The following MEST variants were observed in gnomAD, a reference collection of about 807,000 sequenced individuals.
MEST encodes mesoderm specific transcript, also known as mesoderm-specific transcript homolog protein.
A neutral mutation model predicts 50.9 loss-of-function variants in MEST; 18 were observed. The ratio of observed to expected loss-of-function variants is 0.35; its 90% CI spans 0.24 to 0.52. The LOEUF (loss-of-function observed/expected upper bound fraction) is 0.52, where lower values mean the gene tolerates loss of function less well. Ranked by LOEUF, MEST falls within the 20% of genes least tolerant of loss-of-function variation. The pLI is 0.94. For missense variants in MEST, 282 were observed against 425.3 expected, an observed-to-expected ratio of 0.66 and a Z score of 2.96; for synonymous variants, 130 against 154.1, an observed-to-expected ratio of 0.84 and a Z score of 1.16.
At chr7:130,493,151 G>A (rs1182682754) in intron 1 of MEST, 1 of 152,190 alleles carries the variant, frequency 6.6e-6, no homozygotes, top group African/African-American at 2.4e-5. Flanking sequence ...TCAGATTTCA[G>A]TAACAAGCGC....
At chr7:130,494,138 T>C (rs555849528) in intron 1 of MEST, among the ~76,000 whole-genome samples, 19 of 152,320 alleles carry the variant, frequency 1.2e-4, no homozygotes, top group Admixed American at 1.0e-3. Context: ...TTTTAGATTT[T>C]AGCAAAAAGT....
chr7:130,492,287 C>G lies in MEST; in HGVS notation c.-27C>G. On this transcript the variant is annotated 5_prime_UTR_variant, in exon 1 of 12. Transcript: ENST00000223215. The surrounding 1 kb of genome is among the most constrained non-coding windows in gnomAD (Gnocchi z 7.6). ...CGGCGCCCGGTGCTCTGCAACGCTG[C>G]GGCGGGCGGCATGGGATAACGCGGC... 1 of 1,346,498 alleles carries G rather than the reference C, an allele frequency of 7.4e-7. No individual in the cohort carries two copies. 83.4% of individuals were successfully genotyped at this position (1,346,498 alleles called of 1,614,324 possible).
In MEST at chr7:130,500,407, C is replaced by T. The variant is rs1386768616; in HGVS notation, c.577-55C>T. 9.4e-6 allele frequency: 14 copies of T among 1,490,392 alleles called. No homozygotes were observed. The highest frequency in any genetic ancestry group is 4.2e-5 in the African/African-American group (3 of 72,030). The allele number at this position is 1,490,392 out of a possible 1,614,324, so 92.3% of individuals were successfully genotyped here. On this transcript the variant is annotated intron_variant, in intron 7 of 11. Coordinates refer to ENST00000223215, the MANE Select transcript of MEST (RefSeq NM_002402.4). The surrounding 1 kb of genome is among the most constrained non-coding windows in gnomAD (Gnocchi z 5.0). ...GTTCCTAGTATAAAACCTTTTGCCC[C>T]GGTGAGGATCTTCCTCTGGGTTCTT...
upstream of MEST, chr7:130,489,419 G>C (rs963244710): frequency 6.6e-6 from 1 of 152,216 alleles, no homozygotes; most frequent in African/African-American, 2.4e-5. Flanking sequence ...GTTTTCTCAG[G>C]GCTCCAAGTG....
In MEST at chr7:130,504,003, C is replaced by A; in HGVS notation, c.890+7C>A. 2 of 1,609,066 alleles carry A rather than the reference C, an allele frequency of 1.2e-6. No homozygotes were observed. Among genetic ancestry groups the A allele is most frequent in the Non-Finnish European group, 1.7e-6 (2 of 1,175,638 alleles). ...AGTTTTTGGAGCTGTACAGGTGAGT[C>A]TCCCCGAGAGAAGTCTATGTTTTGT... On this transcript the variant is annotated splice_region_variant and intron_variant, in intron 11 of 11. Coordinates refer to ENST00000223215, the MANE Select transcript of MEST (RefSeq NM_002402.4).
chr7:130,487,242 T>A (rs1798652999), upstream of MEST: 1 of 151,980 alleles, frequency 6.6e-6, no homozygotes. Context: ...ACAAATGAGA[T>A]GATATATGTG....
chr7:130,505,017 C>T lies in MEST; in HGVS notation c.969C>T (p.Gly323=). 1 of 1,613,830 alleles carries T rather than the reference C, an allele frequency of 6.2e-7. No homozygotes were observed. The highest frequency in any genetic ancestry group is 8.5e-7 in the Non-Finnish European group (1 of 1,179,758). The change falls in exon 12 of 12, where the codon GGC becomes GGT. Residue 323 remains glycine (G), a synonymous_variant. Coordinates refer to ENST00000223215, the MANE Select transcript of MEST (RefSeq NM_002402.4). ...ATCCACAGCTAGAGGATCCCATGGG[C>T]TTCTTGAATGCATATATGGGCTTCA... ...SHYPQLEDPM[G]FLNAYMGFIN... is the part of the protein sequence containing the mutation.
intron 2 of MEST, 191 bp downstream of exon 2, chr7:130,495,713 C>A: frequency 1.9e-6 from 1 of 515,012 alleles, no homozygotes; most frequent in Non-Finnish European, 3.3e-6. Context: ...GACTGAGATT[C>A]CAACCTGCAG....
In MEST at chr7:130,497,565, A is replaced by AT. The variant is rs1267048865; in HGVS notation, c.261+339dup. 1.0e-4 allele frequency: 25 copies of AT among 240,504 alleles called. No homozygotes were observed. Among genetic ancestry groups the AT allele is most frequent in the Middle Eastern group, 1.4e-3 (1 of 690 alleles). 14.9% of individuals were successfully genotyped at this position (240,504 alleles called of 1,614,324 possible). A position where few individuals can be genotyped will look rare whatever the true frequency, so the allele number is the denominator to read the frequency against. On this transcript the variant is annotated intron_variant, in intron 3 of 11. Transcript: ENST00000223215. This position sits in a 1 kb window ranked among gnomAD's most constrained non-coding sequence, Gnocchi z 4.0. ...GAGCGAGAGTCTGTCTCAAAAAAAA[A>AT]TTTTTTTTTAATAAAAATTTAAAAA...
In MEST at chr7:130,495,368, G is replaced by T; in HGVS notation, c.27G>T (p.Arg9Ser). MVRRDRLR[R>S]MREWWVQVGL... is the part of the protein sequence containing the mutation. ...CAGTGGGTCTCTGCTTTTCCTACAG[G>T]ATGAGGGAGTGGTGGGTCCAGGTGG... The change falls in exon 2 of 12, where the codon AGG (arginine) becomes AGT (serine). Residue 9 changes from arginine to serine, a missense_variant and splice_region_variant. Physicochemically the swap from Arg to Ser is moderately radical, Grantham distance 110. Transcript: ENST00000223215. The T allele has an allele frequency of 6.2e-7, 1 of 1,607,758 alleles. No individual in the cohort carries two copies. The highest frequency in any genetic ancestry group is 1.1e-5 in the South Asian group (1 of 89,954).
chr7:130,503,025 GA>G (rs1341063608), intron 10 of MEST, among the ~76,000 whole-genome samples: 1 of 152,150 alleles, frequency 6.6e-6, no homozygotes, highest in Non-Finnish European at 1.5e-5. Flanking sequence ...TGTGTAGAGT[GA>G]AGTATATAAA....
chr7:130,495,270 T>C, intron 1 of MEST, 98 bp from the exon 2 acceptor site: 1 of 1,268,694 alleles, frequency 7.9e-7, no homozygotes, highest in South Asian at 1.6e-5. Flanking sequence ...CATTGCATGG[T>C]AACAGCAATC....
At chr7:130,503,686 C>G (rs1040135867) in intron 10 of MEST, among the ~76,000 whole-genome samples, 1 of 152,062 alleles carries the variant, frequency 6.6e-6, no homozygotes, top group Admixed American at 6.6e-5. Context: ...GTGTTGCACA[C>G]CTGTATGTAG....
chr7:130,496,068 C>T (rs376041419), intron 2 of MEST: 29 of 469,238 alleles, frequency 6.2e-5, no homozygotes, highest in Non-Finnish European at 1.2e-4. Flanking sequence ...CCATTAACCT[C>T]ATTTTATAGG....
chr7:130,492,345 T>C lies in MEST; in HGVS notation c.26+6T>C. On this transcript the variant is annotated splice_donor_region_variant and intron_variant, in intron 1 of 11. Coordinates refer to ENST00000223215, the MANE Select transcript of MEST (RefSeq NM_002402.4). This position sits in a 1 kb window ranked among gnomAD's most constrained non-coding sequence, Gnocchi z 7.6. The stretch of plus-strand genomic sequence containing the variant: ...CGCCGAGATCGCCTCCGCAGGTGAG[T>C]GTGCGGTGGGAACGAGGGGGTGTGG... 1 of 1,319,306 alleles carries C rather than the reference T, an allele frequency of 7.6e-7. No individual in the cohort carries two copies. The allele number at this position is 1,319,306 out of a possible 1,614,324, so 81.7% of individuals were successfully genotyped here.
At position 130,497,901 on chromosome 7, in the gene MEST, A is replaced by G; in HGVS notation, c.262-35A>G. On this transcript the variant is annotated intron_variant, in intron 3 of 11. Transcript: ENST00000223215. This position sits in a 1 kb window ranked among gnomAD's most constrained non-coding sequence, Gnocchi z 4.0. ...AGGTCTGGTGAAAGGGAGGGGCAGG[A>G]GCAGAAAGCCCAAATCATCGTTTCT... 1 of 1,602,162 alleles carries G rather than the reference A, an allele frequency of 6.2e-7. No homozygotes were observed. Among genetic ancestry groups the G allele is most frequent in the Non-Finnish European group, 8.6e-7 (1 of 1,169,102 alleles).
At position 130,492,839 on chromosome 7, in the gene MEST, T is replaced by A. The variant is rs1385470013; in HGVS notation, c.26+500T>A. On this transcript the variant is annotated intron_variant, in intron 1 of 11. Transcript: ENST00000223215. This position sits in a 1 kb window ranked among gnomAD's most constrained non-coding sequence, Gnocchi z 7.6. ...ATTCAGGATTCTTAGACTCCGCCGT[T>A]GCCGTGGCGCGATTTAGGATTTATA... Among the ~76,000 whole-genome samples the A allele has an allele frequency of 1.3e-5, 2 of 151,970 alleles. No individual in the cohort carries two copies. The highest frequency in any genetic ancestry group is 2.9e-5 in the Non-Finnish European group (2 of 67,980).
In MEST at chr7:130,504,959, C is replaced by CA. The variant is rs1239387407; in HGVS notation, c.912dup (p.Val305SerfsTer6). The CA allele has an allele frequency of 5.0e-6, 8 of 1,613,686 alleles. No individual in the cohort carries two copies. Among genetic ancestry groups the CA allele is most frequent in the African/African-American group, 1.3e-5 (1 of 74,914 alleles). On this transcript the variant is annotated frameshift_variant, in exon 12 of 12. Transcript: ENST00000223215. LOFTEE classifies it high-confidence loss of function. ...ACTAGGAAAACGCTGCCGCGGTCCA[C>CA]AGTGTCGATTCTGGATGACCACATT...
At chr7:130,491,286 T>G (rs1798800239), upstream of MEST, 1 of 152,318 alleles carries the variant, frequency 6.6e-6, no homozygotes, top group Admixed American at 6.5e-5. The surrounding 1 kb of genome is among the most constrained non-coding windows in gnomAD (Gnocchi z 6.8). Flanking sequence ...TGCCCACTGT[T>G]CTGTGCAGCG....
Sources: gnomAD v4.1 joint callset for allele counts (sites outside exome capture counted in the v4.1 genomes callset) on GRCh38, gnomAD v4.1.1 for gene constraint, Gnocchi (gnomAD v3.1) non-coding constraint, MANE v1.5 for transcripts, NCBI Gene and HGNC (gene_info 2026-07-23, HGNC 2026-07-21) for gene names.